The following CNTN5 variants were observed in gnomAD, a reference collection of about 807,000 sequenced individuals.
The protein encoded by CNTN5 is contactin-5.
In CNTN5, 77 loss-of-function variants were observed where a neutral mutation model predicts 129.1. The observed-to-expected ratio is 0.60, with a 90% CI of 0.50 to 0.72. The LOEUF (loss-of-function observed/expected upper bound fraction) is 0.72. CNTN5 is among the 30% of genes least tolerant of loss of function. The probability of loss-of-function intolerance (pLI) is 0.00; values close to 1 mark genes in which losing one functional copy is unlikely to be tolerated. For missense variants in CNTN5, 1,478 were observed against 1,328.8 expected (o/e 1.11, Z -1.75); for synonymous variants, 509 against 465.6 (o/e 1.09, Z -1.20).
intron 3 of CNTN5, among the ~76,000 whole-genome samples, chr11:99,794,636 G>A (rs1272585850): frequency 2.0e-5 from 3 of 152,102 alleles, no homozygotes; most frequent in Non-Finnish European, 2.9e-5. Context: ...AATTTCCTTA[G>A]CATTTACTTA....
At chr11:99,085,962 A>T (rs1001429396) in intron 1 of CNTN5, among the ~76,000 whole-genome samples, 6 of 152,200 alleles carry the variant, frequency 3.9e-5, no homozygotes, top group African/African-American at 1.2e-4. Context: ...CAGAACAGTA[A>T]CACACTGTAA....
At chr11:100,228,590 T>G (rs1184844036) in intron 16 of CNTN5, among the ~76,000 whole-genome samples, 1 of 152,208 alleles carries the variant, frequency 6.6e-6, no homozygotes, top group Non-Finnish European at 1.5e-5. Context: ...TCATTAAAAT[T>G]TTGGCCGTTT....
At chr11:99,354,331 G>A (rs1465544163) in intron 2 of CNTN5, among the ~76,000 whole-genome samples, 1 of 152,042 alleles carries the variant, frequency 6.6e-6, no homozygotes, top group African/African-American at 2.4e-5. Flanking sequence ...TTAGAATAGG[G>A]GTTGGGCATG....
chr11:100,303,644 T>A (rs1387013387), intron 20 of CNTN5, among the ~76,000 whole-genome samples: 1 of 151,688 alleles, frequency 6.6e-6, no homozygotes, highest in Non-Finnish European at 1.5e-5. Context: ...GCTCATATAT[T>A]TATTAAACCT....
intron 13 of CNTN5, among the ~76,000 whole-genome samples, chr11:100,153,954 G>A (rs1489531975): frequency 6.6e-6 from 1 of 151,988 alleles, no homozygotes; most frequent in African/African-American, 2.4e-5. Context: ...CTCTGCTACT[G>A]AACTAAGCAA....
chr11:99,063,507 C>T (rs961309291), intron 1 of CNTN5, among the ~76,000 whole-genome samples: 1 of 148,684 alleles, frequency 6.7e-6, no homozygotes, highest in Non-Finnish European at 1.5e-5. Context: ...ACTGAAAACT[C>T]ATAAATAAAT....
chr11:99,952,145 G>A (rs10894184), intron 7 of CNTN5, among the ~76,000 whole-genome samples: 50,054 of 152,036 alleles, frequency 0.33, 9,202 homozygotes, highest in Non-Finnish European at 0.42. Context: ...CTCATGCTCA[G>A]TAGTAATGAA....
intron 2 of CNTN5, among the ~76,000 whole-genome samples, chr11:99,509,287 G>C (rs1271082324): frequency 6.6e-6 from 1 of 151,568 alleles, no homozygotes; most frequent in Non-Finnish European, 1.5e-5. Flanking sequence ...TTGTTTTCAG[G>C]GTGTACTAAA....
chr11:100,079,782 A>G (rs1944288106), intron 13 of CNTN5, among the ~76,000 whole-genome samples: 3 of 152,258 alleles, frequency 2.0e-5, no homozygotes, highest in East Asian at 3.9e-4. Flanking sequence ...AAACTCCAGA[A>G]GTACTAGTAA....
intron 7 of CNTN5, among the ~76,000 whole-genome samples, chr11:99,936,947 A>G (rs1410440230): frequency 2.0e-5 from 3 of 152,162 alleles, no homozygotes; most frequent in Non-Finnish European, 4.4e-5. Flanking sequence ...AACAACCATG[A>G]TATCGATGGA....
chr11:99,438,865 G>A (rs144511697), intron 2 of CNTN5, among the ~76,000 whole-genome samples: 2 of 152,276 alleles, frequency 1.3e-5, no homozygotes, highest in Non-Finnish European at 2.9e-5. Flanking sequence ...TCAGGACCAA[G>A]TTAACTCTCA....
intron 1 of CNTN5, among the ~76,000 whole-genome samples, chr11:99,266,628 A>G (rs954886340): frequency 1.3e-5 from 2 of 152,012 alleles, no homozygotes; most frequent in African/African-American, 2.4e-5. Flanking sequence ...TGAATAAAGC[A>G]TATGGGAGGA....
At chr11:100,038,801 T>C (rs1478740624) in intron 9 of CNTN5, among the ~76,000 whole-genome samples, 1 of 152,248 alleles carries the variant, frequency 6.6e-6, no homozygotes, top group Non-Finnish European at 1.5e-5. Flanking sequence ...CCCTGCCTTT[T>C]TTTGTTTTCC....
At chr11:99,168,594 C>CAAAAG (rs1555067247) in intron 1 of CNTN5, among the ~76,000 whole-genome samples, 1 of 151,684 alleles carries the variant, frequency 6.6e-6, no homozygotes, top group African/African-American at 2.4e-5. Flanking sequence ...CAAAACAAAA[C>CAAAAG]AAAACAAAAG....
intron 9 of CNTN5, among the ~76,000 whole-genome samples, chr11:100,027,099 A>T (rs898399805): frequency 6.6e-6 from 1 of 152,146 alleles, no homozygotes; most frequent in Admixed American, 6.5e-5. Flanking sequence ...ATGTAGTTAT[A>T]ATAACTGTTT....
At chr11:100,269,212 A>C (rs1035233734) in intron 17 of CNTN5, among the ~76,000 whole-genome samples, 2 of 152,222 alleles carry the variant, frequency 1.3e-5, no homozygotes, top group African/African-American at 4.8e-5. Flanking sequence ...TGAGATGAGT[A>C]ATAGAGATCT....
chr11:99,911,223 G>A (rs576022072), intron 6 of CNTN5, among the ~76,000 whole-genome samples: 2 of 151,924 alleles, frequency 1.3e-5, no homozygotes, highest in East Asian at 1.9e-4. Flanking sequence ...GCATTAAATC[G>A]TATCTGTGTT....
At chr11:99,267,583 T>G (rs562572050) in intron 1 of CNTN5, among the ~76,000 whole-genome samples, 14 of 152,014 alleles carry the variant, frequency 9.2e-5, no homozygotes, top group African/African-American at 3.4e-4. Flanking sequence ...AAGGCAATAT[T>G]GATTTGATAA....
rs115891422 is a variant in CNTN5, at chr11:99,165,350, G to C, written c.-210+144080G>C. Among the ~76,000 whole-genome samples the C allele has an allele frequency of 4.4e-3, 677 of 152,166 alleles. 7 individuals are homozygous for C. The highest frequency in any genetic ancestry group is 0.015 in the African/African-American group (641 of 41,518). On this transcript the variant is annotated intron_variant, in intron 1 of 24. Transcript: ENST00000524871. The stretch of plus-strand genomic sequence containing the variant: ...ACAAATTAGGGGAGTCTAATTATTA[G>C]GTACAACCAAGTAATATTATTATTT...
Sources: gnomAD v4.1 joint callset for allele counts (sites outside exome capture counted in the v4.1 genomes callset) on GRCh38, gnomAD v4.1.1 for gene constraint, MANE v1.5 for transcripts, NCBI Gene and HGNC (gene_info 2026-07-23, HGNC 2026-07-21) for gene names.